The following NRBF2 variants were observed in gnomAD, a reference collection of about 807,000 sequenced individuals.
NRBF2 encodes nuclear receptor binding factor 2.
In NRBF2, 12 loss-of-function variants were observed where a neutral mutation model predicts 28.5. The observed-to-expected ratio is 0.42, with a 90% CI of 0.27 to 0.68. The LOEUF (loss-of-function observed/expected upper bound fraction) is 0.68. Among genes scored for constraint, NRBF2 ranks in the 30% least tolerant of loss-of-function variants. NRBF2 has a pLI of 0.24. For missense variants in NRBF2, 274 were observed against 333.5 expected (o/e 0.82, Z 1.39); for synonymous variants, 102 against 116.5 (o/e 0.88, Z 0.80).
rs1399334174 is a variant in NRBF2 at position 63,154,454 on chromosome 10, G to A, written c.*236G>A. The A allele has an allele frequency of 1.1e-5, 4 of 371,354 alleles. No homozygotes were observed. The highest frequency in any genetic ancestry group is 1.9e-5 in the Non-Finnish European group (4 of 207,306). The allele number at this position is 371,354 out of a possible 1,614,324, so 23.0% of individuals were successfully genotyped here. ...CGACTTGGCAGACGCTAAACTCATG[G>A]AGGTTCGGTTTCTCCTGATACAAAC... On this transcript the variant is annotated 3_prime_UTR_variant, in exon 4 of 4. Coordinates refer to ENST00000277746, the MANE Select transcript of NRBF2 (RefSeq NM_030759.5).
At chr10:63,136,535 A>G (rs746520993) in intron 1 of NRBF2, among the ~76,000 whole-genome samples, 8 of 152,206 alleles carry the variant, frequency 5.3e-5, no homozygotes, top group African/African-American at 2.4e-5. Flanking sequence ...ATTTGTAATC[A>G]TGTGTCCTCA....
rs114702309 is a variant in NRBF2 at position 63,149,315 on chromosome 10, T to C, written c.116-2835T>C. ...TATTTTTTGGTAGAGACAGGGTTTCTACCTTGGCCTCCCAAAGTGCTGGGA... is the reference window on the plus strand; with the variant it reads ...TATTTTTTGGTAGAGACAGGGTTTCCACCTTGGCCTCCCAAAGTGCTGGGA... On this transcript the variant is annotated intron_variant, in intron 2 of 3. Transcript: ENST00000277746. 4.9e-3 allele frequency among the ~76,000 whole-genome samples: 753 copies of C among 152,278 alleles called. 9 individuals carry two copies. Among genetic ancestry groups the C allele is most frequent in the African/African-American group, 0.017 (714 of 41,554 alleles).
At chr10:63,139,566 T>G (rs1430311075) in intron 1 of NRBF2, among the ~76,000 whole-genome samples, 3 of 152,284 alleles carry the variant, frequency 2.0e-5, no homozygotes, top group Non-Finnish European at 2.9e-5. Context: ...CCAAAAGAGA[T>G]AATTTACTGG....
Position 63,134,655 on chromosome 10 carries a change from C to T in NRBF2, c.30+1155C>T, listed in dbSNP as rs1841347401. Among the ~76,000 whole-genome samples the T allele has an allele frequency of 3.3e-5, 5 of 152,284 alleles. No individual in the cohort carries two copies. In the South Asian group the frequency reaches 1.0e-3, roughly 32 times the overall value. ...TAGGTGTAAAGCACTTAGAACTGTA[C>T]TAAGTACATAGTACAGTGTAAGAGT... On this transcript the variant is annotated intron_variant, in intron 1 of 3. Transcript: ENST00000277746.
chr10:63,142,319 T>G (rs2132683290), intron 1 of NRBF2, among the ~76,000 whole-genome samples: 1 of 151,316 alleles, frequency 6.6e-6, no homozygotes, highest in South Asian at 2.1e-4. Context: ...TTGTTTTTTT[T>G]TGAGATGGAG....
intron 1 of NRBF2, among the ~76,000 whole-genome samples, chr10:63,139,580 C>A (rs1841430601): frequency 6.6e-6 from 1 of 152,110 alleles, no homozygotes; most frequent in Non-Finnish European, 1.5e-5. Context: ...TTACTGGACT[C>A]CAAAGAAAGG....
rs1171925879 is a variant in NRBF2, at chr10:63,154,524, T to C, written c.*306T>C. The C allele has an allele frequency of 4.4e-6, 1 of 229,454 alleles. No homozygotes were observed. Among genetic ancestry groups the C allele is most frequent in the Non-Finnish European group, 8.5e-6 (1 of 118,046 alleles). 14.2% of individuals were successfully genotyped at this position (229,454 alleles called of 1,614,324 possible). Reference sequence around the variant, plus strand: ...ATTTCTTTCAAGCAACAGTTATTTTTCTTATCTTCAGGGTTAAAATGTATA... The same window carrying C: ...ATTTCTTTCAAGCAACAGTTATTTTCCTTATCTTCAGGGTTAAAATGTATA... On this transcript the variant is annotated 3_prime_UTR_variant, in exon 4 of 4. Coordinates refer to ENST00000277746, the MANE Select transcript of NRBF2 (RefSeq NM_030759.5).
In NRBF2 at chr10:63,154,835, T is replaced by G. The variant is rs1261239382; in HGVS notation, c.*617T>G. ...GAAGAAAGGAACCAAATTATTATGC[T>G]TTTTAAAACAAATTACCAGTTTACA... On this transcript the variant is annotated 3_prime_UTR_variant, in exon 4 of 4. Transcript: ENST00000277746. The G allele has an allele frequency of 1.3e-5, 2 of 152,670 alleles. No individual in the cohort carries two copies. Among genetic ancestry groups the G allele is most frequent in the Admixed American group, 6.5e-5 (1 of 15,288 alleles). The allele number at this position is 152,670 out of a possible 1,614,324, so 9.5% of individuals were successfully genotyped here. A position where few individuals can be genotyped will look rare whatever the true frequency, so the allele number is the denominator to read the frequency against.
intron 2 of NRBF2, among the ~76,000 whole-genome samples, chr10:63,151,372 T>A (rs986467724): frequency 6.6e-6 from 1 of 152,300 alleles, no homozygotes; most frequent in South Asian, 2.1e-4. Flanking sequence ...TACAGATGAA[T>A]GTACAATAAA....
At chr10:63,146,342 C>G (rs761268802) in intron 2 of NRBF2, 49 bp downstream of exon 2, 1 of 1,291,242 alleles carries the variant, frequency 7.7e-7, no homozygotes, top group South Asian at 1.3e-5. Flanking sequence ...AGCAGAAAGT[C>G]ACAATAGTAA....
At chr10:63,147,771 CT>C (rs1475012538) in intron 2 of NRBF2, among the ~76,000 whole-genome samples, 1 of 151,690 alleles carries the variant, frequency 6.6e-6, no homozygotes, top group African/African-American at 2.4e-5. Context: ...CCCACCCCCG[CT>C]TTTTTTAAAA....
chr10:63,133,382 C>T lies in NRBF2; in HGVS notation c.-89C>T, dbSNP rs778317626. ...GGGCGCAGAGAGGGGCCGCAGTCTC[C>T]GCGGCTGCGTCGAGCTCCCTTGCAG... On this transcript the variant is annotated 5_prime_UTR_variant, in exon 1 of 4. Coordinates refer to ENST00000277746, the MANE Select transcript of NRBF2 (RefSeq NM_030759.5). 6.7e-6 allele frequency: 10 copies of T among 1,502,286 alleles called. No homozygotes were observed. Among genetic ancestry groups the T allele is most frequent in the Non-Finnish European group, 9.2e-6 (10 of 1,092,084 alleles). The allele number at this position is 1,502,286 out of a possible 1,614,324, so 93.1% of individuals were successfully genotyped here.
chr10:63,143,749 ATTTTTTTTTT>A (rs35270148), intron 1 of NRBF2, among the ~76,000 whole-genome samples: 1 of 115,990 alleles, frequency 8.6e-6, no homozygotes, highest in African/African-American at 3.4e-5. Context: ...ACCATGCCCG[ATTTTTTTTTT>A]TTTTTTTTTT....
chr10:63,145,409 A>G (rs936378627), intron 1 of NRBF2, among the ~76,000 whole-genome samples: 1 of 151,954 alleles, frequency 6.6e-6, no homozygotes. Context: ...GGGTTTCACC[A>G]TGTTGGCCAG....
At chr10:63,138,170 A>G (rs1841402732) in intron 1 of NRBF2, among the ~76,000 whole-genome samples, 1 of 151,934 alleles carries the variant, frequency 6.6e-6, no homozygotes, top group Non-Finnish European at 1.5e-5. Flanking sequence ...AAAATTAGCC[A>G]GGTGTGGTGG....
In NRBF2 at chr10:63,154,011, T is replaced by A. The variant is rs774476524; in HGVS notation, c.657T>A (p.Ala219=). The A allele has an allele frequency of 8.7e-6, 14 of 1,611,982 alleles. No homozygotes were observed. In the African/African-American group the frequency reaches 1.9e-4, roughly 22 times the overall value. The part of the protein sequence containing the change: ...GPIEKELDVD[A]DFVETSELWS... ...TAGAAAAGGAGCTGGATGTAGATGCTGATTTTGTAGAAACGTCAGAGTTAT... is the reference window on the plus strand; with the variant it reads ...TAGAAAAGGAGCTGGATGTAGATGCAGATTTTGTAGAAACGTCAGAGTTAT... Residue 219 remains alanine (A), a synonymous_variant, in exon 4 of 4, where the codon GCT becomes GCA. Transcript: ENST00000277746.
chr10:63,136,587 C>T (rs1841382504), intron 1 of NRBF2, among the ~76,000 whole-genome samples: 1 of 152,138 alleles, frequency 6.6e-6, no homozygotes, highest in South Asian at 2.1e-4. Context: ...TCCAGTTTTA[C>T]AGATAAATAA....
chr10:63,148,257 CTG>C (rs1158666172), intron 2 of NRBF2, among the ~76,000 whole-genome samples: 2 of 152,184 alleles, frequency 1.3e-5, no homozygotes, highest in Admixed American at 1.3e-4. Context: ...ATACGGCAAA[CTG>C]TTAGATCACA....
Position 63,134,084 on chromosome 10 carries a change from A to G in NRBF2, c.30+584A>G, listed in dbSNP as rs567000695. Among the ~76,000 whole-genome samples the G allele has an allele frequency of 5.9e-5, 9 of 151,560 alleles. No homozygotes were observed. The South Asian group carries it at 1.5e-3, about 25-fold the overall frequency. ...ACTGAGTCTACCGTCTTCCAAATAT[A>G]TTAGAGACAGCTGGGAAAAAGACAG... On this transcript the variant is annotated intron_variant, in intron 1 of 3. Coordinates refer to ENST00000277746, the MANE Select transcript of NRBF2 (RefSeq NM_030759.5).
Sources: allele counts gnomAD v4.1 joint callset (sites outside exome capture counted in the v4.1 genomes callset), GRCh38; gene constraint gnomAD v4.1.1; transcripts MANE v1.5; gene names NCBI Gene and HGNC (gene_info 2026-07-23, HGNC 2026-07-21).